Variants in UNC13C observed in about 807,000 individuals in gnomAD.
The protein encoded by UNC13C is unc-13 homolog C.
UNC13C carries 174 observed loss-of-function variants against 245.4 expected under a neutral mutation model. The ratio of observed to expected loss-of-function variants is 0.71; its 90% CI spans 0.63 to 0.80. UNC13C has a LOEUF of 0.80. Among genes scored for constraint, UNC13C ranks in the 30% least tolerant of loss-of-function variants. The probability of loss-of-function intolerance (pLI) is 0.00; values close to 1 mark genes in which losing one functional copy is unlikely to be tolerated. For synonymous variants in UNC13C, 992 were observed against 895.1 expected, an observed-to-expected ratio of 1.11 and a Z score of -1.93; for missense variants, 2,829 against 2,602.9, an observed-to-expected ratio of 1.09 and a Z score of -1.89.
At chr15:54,617,820 C>G (rs977435865) in intron 30 of UNC13C, among the ~76,000 whole-genome samples, 11 of 151,888 alleles carry the variant, frequency 7.2e-5, no homozygotes, top group African/African-American at 2.7e-4. Context: ...GAGTCCTGGA[C>G]CTGAAGATGG....
chr15:54,137,673 T>C (rs1421301604), intron 2 of UNC13C, among the ~76,000 whole-genome samples: 1 of 152,152 alleles, frequency 6.6e-6, no homozygotes, highest in Non-Finnish European at 1.5e-5. Flanking sequence ...GTAATGTTGC[T>C]CTTCCATTTA....
intron 31 of UNC13C, among the ~76,000 whole-genome samples, 153 bp downstream of exon 31, chr15:54,622,572 A>C (rs867808092): frequency 7.2e-5 from 11 of 152,236 alleles, no homozygotes; most frequent in African/African-American, 2.7e-4. Flanking sequence ...CTTTTGATTA[A>C]AAATAGAAAA....
chr15:53,890,004 C>G, the UNC13C span, among the ~76,000 whole-genome samples: 1 of 152,058 alleles, frequency 6.6e-6, no homozygotes, highest in Non-Finnish European at 1.5e-5. Flanking sequence ...GGATATTGAT[C>G]TGAAATTTTC....
the UNC13C span, among the ~76,000 whole-genome samples, chr15:53,969,708 G>A: frequency 1.3e-4 from 19 of 142,974 alleles, no homozygotes; most frequent in Non-Finnish European, 2.8e-4. Context: ...AAAAAAAATC[G>A]AACGAACAAA....
intron 19 of UNC13C, among the ~76,000 whole-genome samples, chr15:54,461,203 C>T (rs866837621): frequency 8.6e-5 from 13 of 152,034 alleles, no homozygotes; most frequent in African/African-American, 3.1e-4. Flanking sequence ...GGTTGAGCAT[C>T]CCAAATCCAA....
intron 2 of UNC13C, among the ~76,000 whole-genome samples, chr15:54,028,682 G>GTTT (rs1896223044): frequency 2.4e-5 from 1 of 42,360 alleles, no homozygotes; most frequent in African/African-American, 7.5e-5. Flanking sequence ...CAGCCTACAA[G>GTTT]TCTTTTTTTT....
At chr15:53,860,007 C>T in the UNC13C span, among the ~76,000 whole-genome samples, 2 of 152,114 alleles carry the variant, frequency 1.3e-5, no homozygotes, top group African/African-American at 4.8e-5. Context: ...ATAAGAAATC[C>T]GGATATGTTT....
At chr15:54,545,244 T>C (rs909088305) in intron 26 of UNC13C, among the ~76,000 whole-genome samples, 6 of 152,320 alleles carry the variant, frequency 3.9e-5, no homozygotes, top group South Asian at 2.1e-4. Flanking sequence ...TGGCTAGCCA[T>C]ATGCAGAAAA....
rs761316166 is a variant in UNC13C at position 54,015,171 on chromosome 15, G to A, written c.2268G>A (p.Leu756=). Residue 756 remains leucine, a synonymous_variant, in exon 2 of 33, where the codon TTG becomes TTA. Transcript: ENST00000260323. ...AGCTATACCAAAATCAAAACCAGTT[G>A]TCCATGATGTATCGAAGTCAAAGTG... The part of the protein sequence containing the change: ...SNELYQNQNQ[L]SMMYRSQSEL... 6.2e-7 allele frequency: 1 copy of A among 1,612,578 alleles called. No individual in the cohort carries two copies. The highest frequency in any genetic ancestry group is 1.7e-5 in the Admixed American group (1 of 59,720).
rs571021932 is a variant in UNC13C, at chr15:54,441,935, T to G, written c.4933+26868T>G. On this transcript the variant is annotated intron_variant, in intron 19 of 32. Coordinates refer to ENST00000260323, the MANE Select transcript of UNC13C (RefSeq NM_001080534.3). ...TAATTTATTCTTAGGTATTTTTTTG[T>G]AGCTATTTTAAATGGGATTTTCTTC... Among the ~76,000 whole-genome samples, 4 of 152,186 alleles carry G rather than the reference T, an allele frequency of 2.6e-5. No individual in the cohort carries two copies. In the East Asian group the frequency reaches 7.7e-4, roughly 29 times the overall value.
chr15:54,527,325 C>G (rs1596519327), intron 25 of UNC13C, among the ~76,000 whole-genome samples: 1 of 151,826 alleles, frequency 6.6e-6, no homozygotes, highest in African/African-American at 2.4e-5. Flanking sequence ...ATGGGGTTAG[C>G]AGAAAGACTG....
chr15:54,568,200 T>C (rs1897600291), intron 30 of UNC13C, among the ~76,000 whole-genome samples: 1 of 152,120 alleles, frequency 6.6e-6, no homozygotes, highest in Admixed American at 6.6e-5. Flanking sequence ...TGTTGGTGAT[T>C]TTAACTTCCA....
chr15:54,236,791 A>C (rs565656608), intron 6 of UNC13C, among the ~76,000 whole-genome samples: 8 of 152,186 alleles, frequency 5.3e-5, no homozygotes, highest in Non-Finnish European at 8.8e-5. Flanking sequence ...TATTTGAGTT[A>C]ATGACTTTGT....
At chr15:54,339,640 G>GATATATATATATATATATATATATAT (rs61353129) in intron 17 of UNC13C, among the ~76,000 whole-genome samples, 53 of 149,638 alleles carry the variant, frequency 3.5e-4, no homozygotes, top group African/African-American at 1.3e-3. Context: ...ATTATGTGGA[G>GATATATATATATATATATATATATAT]ATATATATAT....
At chr15:53,992,274 G>T (rs1411654070) in intron 1 of UNC13C, among the ~76,000 whole-genome samples, 3 of 151,990 alleles carry the variant, frequency 2.0e-5, no homozygotes, top group African/African-American at 7.2e-5. Flanking sequence ...TCCTACTTGT[G>T]CATACCTATT....
intron 23 of UNC13C, among the ~76,000 whole-genome samples, chr15:54,511,166 T>C (rs905162765): frequency 1.3e-5 from 2 of 151,844 alleles, no homozygotes; most frequent in Non-Finnish European, 2.9e-5. Context: ...GCCAAGTGAG[T>C]GATAAGATAA....
At chr15:54,358,268 A>G (rs529426411) in intron 17 of UNC13C, among the ~76,000 whole-genome samples, 1 of 151,958 alleles carries the variant, frequency 6.6e-6, no homozygotes, top group African/African-American at 2.4e-5. Context: ...CTCCAGCTTC[A>G]TTCTTTTTGA....
chr15:53,898,784 T>A, the UNC13C span, among the ~76,000 whole-genome samples: 2 of 152,202 alleles, frequency 1.3e-5, no homozygotes, highest in Admixed American at 1.3e-4. Context: ...TTTAAAAAAA[T>A]ATAAGAATAC....
chr15:54,324,001 A>G (rs547348978), intron 14 of UNC13C, among the ~76,000 whole-genome samples: 319 of 152,120 alleles, frequency 2.1e-3, no homozygotes, highest in Non-Finnish European at 3.5e-3. Flanking sequence ...CAGCAGATTG[A>G]TTTCAGTACA....
Sources: allele counts gnomAD v4.1 joint callset (sites outside exome capture counted in the v4.1 genomes callset), GRCh38; gene constraint gnomAD v4.1.1; transcripts MANE v1.5; gene names NCBI Gene and HGNC (gene_info 2026-07-23, HGNC 2026-07-21).